Variants in ZBTB22 observed in about 807,000 individuals in gnomAD.
The protein encoded by ZBTB22 is zinc finger and BTB domain containing 22, also known as zinc finger and BTB domain-containing protein 22.
For missense variants in ZBTB22, 668 were observed against 834.1 expected, an observed-to-expected ratio of 0.80 and a Z score of 2.45; for synonymous variants, 356 against 347.3, an observed-to-expected ratio of 1.03 and a Z score of -0.28.
Position 33,316,804 on chromosome 6 carries a change from T to C in ZBTB22, c.113A>G (p.Glu38Gly). ...GGACTCCAAGAGGGCACTGGTCACC[T>C]CAGGGAAGGACACATGTACCACTGC... is the stretch of plus-strand genomic sequence containing the variant. ...AAAVVHVSFPEVTSALLESLN... is the reference protein window; with the variant it reads ...AAAVVHVSFPGVTSALLESLN... The change falls in exon 2 of 2, where the codon GAG becomes GGG. Residue 38 changes from glutamate to glycine, a missense_variant. By Grantham distance (98) the Glu-to-Gly change is moderately conservative. Coordinates refer to ENST00000431845, the MANE Select transcript of ZBTB22 (RefSeq NM_005453.5). This position sits in a 1 kb window ranked among gnomAD's most constrained non-coding sequence, Gnocchi z 7.2. 6.2e-7 allele frequency: 1 copy of C among 1,614,030 alleles called. No homozygotes were observed. The highest frequency in any genetic ancestry group is 1.1e-5 in the South Asian group (1 of 91,070).
At position 33,315,680 on chromosome 6, in the gene ZBTB22, G is replaced by A; in HGVS notation, c.1237C>T (p.Pro413Ser). 6.2e-7 allele frequency: 1 copy of A among 1,613,818 alleles called. No individual in the cohort carries two copies. The change falls in exon 2 of 2, where the codon CCT becomes TCT. Residue 413 changes from proline to serine, a missense_variant. Coordinates refer to ENST00000431845, the MANE Select transcript of ZBTB22 (RefSeq NM_005453.5). The surrounding 1 kb of genome is among the most constrained non-coding windows in gnomAD (Gnocchi z 5.4). ...ATGTCCAAGGGAAGGAGCGGTCGAG[G>A]AGGGTGGGAGGGGGCATAGGAAGAG... ...TPSSYAPSHPPRPLLPLDMQG... is the reference protein window; with the variant it reads ...TPSSYAPSHPSRPLLPLDMQG...
Position 33,315,514 on chromosome 6 carries a change from C to G in ZBTB22, c.1403G>C (p.Gly468Ala). 6.2e-7 allele frequency: 1 copy of G among 1,613,916 alleles called. No homozygotes were observed. Among genetic ancestry groups the G allele is most frequent in the South Asian group, 1.1e-5 (1 of 91,062 alleles). ...GTSVGSLGVP[G>A]SVGGVPGGTG... ...CCCTCCAGGGACCCCACCAACGCTA[C>G]CCGGCACACCCAGGCTCCCCACCGA... Residue 468 changes from glycine (G) to alanine (A), a missense_variant, in exon 2 of 2, where the codon GGT becomes GCT. Gly to Ala is a moderately conservative substitution (Grantham distance 60). Coordinates refer to ENST00000431845, the MANE Select transcript of ZBTB22 (RefSeq NM_005453.5). This position sits in a 1 kb window ranked among gnomAD's most constrained non-coding sequence, Gnocchi z 5.4.
At position 33,316,373 on chromosome 6, in the gene ZBTB22, C is replaced by G; in HGVS notation, c.544G>C (p.Ala182Pro). 1.2e-6 allele frequency: 2 copies of G among 1,613,984 alleles called. No individual in the cohort carries two copies. Among genetic ancestry groups the G allele is most frequent in the Non-Finnish European group, 1.7e-6 (2 of 1,180,014 alleles). ...GVPSGSGGTV[A>P]PATMGSARSH... Reference sequence around the variant, plus strand: ...CGCGCAGAGCCCATGGTAGCAGGGGCCACAGTGCCCCCACTCCCGGATGGC... The same window carrying G: ...CGCGCAGAGCCCATGGTAGCAGGGGGCACAGTGCCCCCACTCCCGGATGGC... Residue 182 changes from alanine to proline, a missense_variant, in exon 2 of 2, where the codon GCC (alanine) becomes CCC (proline). Physicochemically the swap from Ala to Pro is conservative, Grantham distance 27. Transcript: ENST00000431845. This position sits in a 1 kb window ranked among gnomAD's most constrained non-coding sequence, Gnocchi z 7.2.
chr6:33,316,981 G>T lies in ZBTB22; in HGVS notation c.-65C>A, dbSNP rs953027119. ...AAGAAAGGAGGAGGGCGGCCGGGGG[G>T]GTCTCTGGGAAGAAAAAGAGAAAAG... is the stretch of plus-strand genomic sequence containing the variant. On this transcript the variant is annotated 5_prime_UTR_variant, in exon 2 of 2. Coordinates refer to ENST00000431845, the MANE Select transcript of ZBTB22 (RefSeq NM_005453.5). The surrounding 1 kb of genome is among the most constrained non-coding windows in gnomAD (Gnocchi z 7.2). The T allele has an allele frequency of 6.7e-6, 10 of 1,483,560 alleles. No individual in the cohort carries two copies. The African/African-American group carries it at 9.8e-5, about 15-fold the overall frequency. 91.9% of individuals were successfully genotyped at this position (1,483,560 alleles called of 1,614,324 possible).
chr6:33,316,168 C>T lies in ZBTB22; in HGVS notation c.749G>A (p.Gly250Glu), dbSNP rs35663442. 1 of 1,613,932 alleles carries T rather than the reference C, an allele frequency of 6.2e-7. No homozygotes were observed. The highest frequency in any genetic ancestry group is 2.2e-5 in the East Asian group (1 of 44,884). ...CAGCAGCTTTCCAGATGTGGCCCCTCCACTGCCAACGACAGGGGCTGGGAA... is the reference window on the plus strand; with the variant it reads ...CAGCAGCTTTCCAGATGTGGCCCCTTCACTGCCAACGACAGGGGCTGGGAA... Reference protein sequence around the residue: ...PVFPAPVVGSGGATSGKLLLE... With the variant: ...PVFPAPVVGSEGATSGKLLLE... Residue 250 changes from glycine (G) to glutamate (E), a missense_variant, in exon 2 of 2, where the codon GGA becomes GAA. By Grantham distance (98) the Gly-to-Glu change is moderately conservative. Transcript: ENST00000431845. The surrounding 1 kb of genome is among the most constrained non-coding windows in gnomAD (Gnocchi z 7.2).
rs765351872 is a variant in ZBTB22, at chr6:33,315,939, T to G, written c.978A>C (p.Glu326Asp). The change falls in exon 2 of 2, where the codon GAA becomes GAC. Residue 326 changes from glutamate to aspartate, a missense_variant. Transcript: ENST00000431845. The surrounding 1 kb of genome is among the most constrained non-coding windows in gnomAD (Gnocchi z 5.4). ...DPDLEEEEEEEDLVLTCEDDE... is the reference protein window; with the variant it reads ...DPDLEEEEEEDDLVLTCEDDE... ...CATCCTCACAGGTCAACACCAGATC[T>G]TCCTCCTCCTCTTCCTCCTCCAGAT... 6.2e-7 allele frequency: 1 copy of G among 1,614,050 alleles called. No individual in the cohort carries two copies. Among genetic ancestry groups the G allele is most frequent in the Non-Finnish European group, 8.5e-7 (1 of 1,179,982 alleles).
In ZBTB22 at chr6:33,314,437, T is replaced by C; in HGVS notation, c.*575A>G. Reference sequence around the variant, plus strand: ...GCCAAGTAAATGACCAATAAATATTTTAATCACTGTTAAAAAAAATAAAAA... The same window carrying C: ...GCCAAGTAAATGACCAATAAATATTCTAATCACTGTTAAAAAAAATAAAAA... On this transcript the variant is annotated 3_prime_UTR_variant, in exon 2 of 2. Coordinates refer to ENST00000431845, the MANE Select transcript of ZBTB22 (RefSeq NM_005453.5). The C allele has an allele frequency of 3.6e-6, 1 of 275,136 alleles. No individual in the cohort carries two copies. Among genetic ancestry groups the C allele is most frequent in the Non-Finnish European group, 6.9e-6 (1 of 144,768 alleles). The allele number at this position is 275,136 out of a possible 1,614,324, so 17.0% of individuals were successfully genotyped here.
Position 33,315,153 on chromosome 6 carries a change from G to A in ZBTB22, c.1764C>T (p.Ser588=). Residue 588 remains serine, a synonymous_variant, in exon 2 of 2, where the codon TCC becomes TCT. Coordinates refer to ENST00000431845, the MANE Select transcript of ZBTB22 (RefSeq NM_005453.5). This position sits in a 1 kb window ranked among gnomAD's most constrained non-coding sequence, Gnocchi z 5.4. ...CGCCCACTCCGGGAGACTCTCTCTT[G>A]GACGGCAAGGATGGCCCCGTGGGAG... ...PGTPTGPSLP[S]KRESPGVGGG... 6.2e-7 allele frequency: 1 copy of A among 1,613,234 alleles called. No homozygotes were observed. The highest frequency in any genetic ancestry group is 1.1e-5 in the South Asian group (1 of 91,054).
chr6:33,316,029 G>C lies in ZBTB22; in HGVS notation c.888C>G (p.His296Gln). ...TACCACCTCGCTTCACGTATACCCA[G>C]TGTTTCTGTGGCATGATGCTAGGGG... ...YTPPSIMPQK[H>Q]WVYVKRGGNC... Residue 296 changes from histidine (H) to glutamine (Q), a missense_variant, in exon 2 of 2, where the codon CAC (histidine) becomes CAG (glutamine). His to Gln is a conservative substitution (Grantham distance 24). Coordinates refer to ENST00000431845, the MANE Select transcript of ZBTB22 (RefSeq NM_005453.5). This position sits in a 1 kb window ranked among gnomAD's most constrained non-coding sequence, Gnocchi z 7.2. The C allele has an allele frequency of 6.2e-7, 1 of 1,614,092 alleles. No homozygotes were observed. Among genetic ancestry groups the C allele is most frequent in the Non-Finnish European group, 8.5e-7 (1 of 1,180,004 alleles).
In ZBTB22 at chr6:33,314,914, G is replaced by A; in HGVS notation, c.*98C>T. On this transcript the variant is annotated 3_prime_UTR_variant, in exon 2 of 2. Coordinates refer to ENST00000431845, the MANE Select transcript of ZBTB22 (RefSeq NM_005453.5). ...AAGTCCACAGAGATAAAGGAAGACA[G>A]TAAGTGTGGTGGGAGATCACCCGGG... 6.7e-7 allele frequency: 1 copy of A among 1,496,586 alleles called. No homozygotes were observed. The highest frequency in any genetic ancestry group is 8.9e-7 in the Non-Finnish European group (1 of 1,122,598). 92.7% of individuals were successfully genotyped at this position (1,496,586 alleles called of 1,614,324 possible).
chr6:33,317,489 A>G, intron 1 of ZBTB22, among the ~76,000 whole-genome samples, 164 bp downstream of exon 1: 1 of 5,940 alleles, frequency 1.7e-4, no homozygotes, highest in Admixed American at 2.2e-3. Flanking sequence ...GCCCCTTTCC[A>G]GGCCCACCCC....
Position 33,314,531 on chromosome 6 carries a change from T to C in ZBTB22, c.*481A>G. 1 of 198,498 alleles carries C rather than the reference T, an allele frequency of 5.0e-6. No individual in the cohort carries two copies. Among genetic ancestry groups the C allele is most frequent in the Non-Finnish European group, 1.0e-5 (1 of 97,106 alleles). 12.3% of individuals were successfully genotyped at this position (198,498 alleles called of 1,614,324 possible). ...CCTCCATGAGAACCGAGTTGGGAAT[T>C]TCCACGGGAAGTCGGGGGTGGCGGG... On this transcript the variant is annotated 3_prime_UTR_variant, in exon 2 of 2. Coordinates refer to ENST00000431845, the MANE Select transcript of ZBTB22 (RefSeq NM_005453.5).
In ZBTB22 at chr6:33,316,975, C is replaced by T. The variant is rs1769924834; in HGVS notation, c.-59G>A. Reference sequence around the variant, plus strand: ...GGAACAAAGAAAGGAGGAGGGCGGCCGGGGGGGTCTCTGGGAAGAAAAAGA... The same window carrying T: ...GGAACAAAGAAAGGAGGAGGGCGGCTGGGGGGGTCTCTGGGAAGAAAAAGA... On this transcript the variant is annotated 5_prime_UTR_variant, in exon 2 of 2. Coordinates refer to ENST00000431845, the MANE Select transcript of ZBTB22 (RefSeq NM_005453.5). This position sits in a 1 kb window ranked among gnomAD's most constrained non-coding sequence, Gnocchi z 7.2. 5 of 1,493,114 alleles carry T rather than the reference C, an allele frequency of 3.3e-6. No homozygotes were observed. The highest frequency in any genetic ancestry group is 4.4e-6 in the Non-Finnish European group (5 of 1,123,848). The allele number at this position is 1,493,114 out of a possible 1,614,324, so 92.5% of individuals were successfully genotyped here.
At position 33,316,965 on chromosome 6, in the gene ZBTB22, G is replaced by C; in HGVS notation, c.-49C>G. ...CCCAGCCACAGGAACAAAGAAAGGA[G>C]GAGGGCGGCCGGGGGGGTCTCTGGG... On this transcript the variant is annotated 5_prime_UTR_variant, in exon 2 of 2. Transcript: ENST00000431845. This position sits in a 1 kb window ranked among gnomAD's most constrained non-coding sequence, Gnocchi z 7.2. 6.6e-7 allele frequency: 1 copy of C among 1,509,430 alleles called. No homozygotes were observed. Among genetic ancestry groups the C allele is most frequent in the Non-Finnish European group, 8.8e-7 (1 of 1,132,516 alleles). 93.5% of individuals were successfully genotyped at this position (1,509,430 alleles called of 1,614,324 possible). A position where few individuals can be genotyped will look rare whatever the true frequency, so the allele number is the denominator to read the frequency against.
rs150092433 is a variant in ZBTB22, at chr6:33,315,435, G to A, written c.1482C>T (p.Phe494=). The A allele has an allele frequency of 4.3e-5, 69 of 1,614,182 alleles. No individual in the cohort carries two copies. The highest frequency in any genetic ancestry group is 5.6e-5 in the Non-Finnish European group (66 of 1,180,032). The change falls in exon 2 of 2, where the codon TTC becomes TTT. Residue 494 remains phenylalanine, a synonymous_variant. Coordinates refer to ENST00000431845, the MANE Select transcript of ZBTB22 (RefSeq NM_005453.5). The surrounding 1 kb of genome is among the most constrained non-coding windows in gnomAD (Gnocchi z 5.4). ...KIFLCHCGKA[F]SHKSMRDRHV... Reference sequence around the variant, plus strand: ...GCCGGTCCCGCATGCTCTTGTGGGAGAAGGCCTTCCCACAATGGCACAGAA... The same window carrying A: ...GCCGGTCCCGCATGCTCTTGTGGGAAAAGGCCTTCCCACAATGGCACAGAA...
At position 33,315,745 on chromosome 6, in the gene ZBTB22, C is replaced by A. The variant is rs762650953; in HGVS notation, c.1172G>T (p.Gly391Val). The A allele has an allele frequency of 1.9e-5, 30 of 1,612,914 alleles. No individual in the cohort carries two copies. In the Admixed American group the frequency reaches 4.7e-4, roughly 25 times the overall value. ...SNDFGPYEGGGPVAGLDDSGG... is the reference protein window; with the variant it reads ...SNDFGPYEGGVPVAGLDDSGG... ...TGAGTCATCAAGACCTGCCACAGGA[C>A]CCCCACCCTCATATGGGCCAAAGTC... The change falls in exon 2 of 2, where the codon GGT becomes GTT. Residue 391 changes from glycine (G) to valine (V), a missense_variant. Gly to Val is a moderately radical substitution (Grantham distance 109). Transcript: ENST00000431845. This position sits in a 1 kb window ranked among gnomAD's most constrained non-coding sequence, Gnocchi z 5.4.
At position 33,315,654 on chromosome 6, in the gene ZBTB22, C is replaced by A. The variant is rs142469315; in HGVS notation, c.1263G>T (p.Met421Ile). ...HPPRPLLPLD[M>I]QGNQILVFPS... ...GGAAGACCAGGATCTGGTTGCCCTG[C>A]ATGTCCAAGGGAAGGAGCGGTCGAG... is the stretch of plus-strand genomic sequence containing the variant. The change falls in exon 2 of 2, where the codon ATG (methionine) becomes ATT (isoleucine). Residue 421 changes from methionine (M) to isoleucine (I), a missense_variant. Physicochemically the swap from Met to Ile is conservative, Grantham distance 10. Transcript: ENST00000431845. This position sits in a 1 kb window ranked among gnomAD's most constrained non-coding sequence, Gnocchi z 5.4. 6.2e-7 allele frequency: 1 copy of A among 1,613,818 alleles called. No individual in the cohort carries two copies. The highest frequency in any genetic ancestry group is 8.5e-7 in the Non-Finnish European group (1 of 1,179,968).
chr6:33,315,721 G>A lies in ZBTB22; in HGVS notation c.1196C>T (p.Ser399Leu), dbSNP rs770352144. 35 of 1,612,434 alleles carry A rather than the reference G, an allele frequency of 2.2e-5. No individual in the cohort carries two copies. In the South Asian group the frequency reaches 3.7e-4, roughly 17 times the overall value. ...GGGPVAGLDD[S>L]GGPTPSSYAP... ...ATAGGAAGAGGGAGTTGGCCCCCCT[G>A]AGTCATCAAGACCTGCCACAGGACC... Residue 399 changes from serine (S) to leucine (L), a missense_variant, in exon 2 of 2, where the codon TCA becomes TTA. Ser to Leu is a moderately radical substitution (Grantham distance 145). Coordinates refer to ENST00000431845, the MANE Select transcript of ZBTB22 (RefSeq NM_005453.5). The surrounding 1 kb of genome is among the most constrained non-coding windows in gnomAD (Gnocchi z 5.4).
Position 33,316,345 on chromosome 6 carries a change from G to T in ZBTB22, c.572C>A (p.Ser191Tyr), listed in dbSNP as rs1479986933. The change falls in exon 2 of 2, where the codon TCC (serine) becomes TAC (tyrosine). Residue 191 changes from serine to tyrosine, a missense_variant. By Grantham distance (144) the Ser-to-Tyr change is moderately radical. Transcript: ENST00000431845. The surrounding 1 kb of genome is among the most constrained non-coding windows in gnomAD (Gnocchi z 7.2). ...VAPATMGSAR[S>Y]HASSRASENQ... is the part of the protein sequence containing the mutation. ...CTCACTGGCCCGGCTGGAGGCATGGGAGCGCGCAGAGCCCATGGTAGCAGG... is the reference window on the plus strand; with the variant it reads ...CTCACTGGCCCGGCTGGAGGCATGGTAGCGCGCAGAGCCCATGGTAGCAGG... 1.1e-5 allele frequency: 18 copies of T among 1,613,786 alleles called. No homozygotes were observed. The highest frequency in any genetic ancestry group is 1.5e-5 in the Non-Finnish European group (18 of 1,179,996).
Sources: allele counts gnomAD v4.1 joint callset (sites outside exome capture counted in the v4.1 genomes callset), GRCh38; gene constraint gnomAD v4.1.1; non-coding constraint Gnocchi (gnomAD v3.1); transcripts MANE v1.5; gene names NCBI Gene and HGNC (gene_info 2026-07-23, HGNC 2026-07-21).